SHBG: variants seen among roughly 807,000 people sequenced by gnomAD.
SHBG encodes the protein sex hormone binding globulin.
In SHBG, 37 loss-of-function variants were observed where a neutral mutation model predicts 41.9. The ratio of observed to expected loss-of-function variants is 0.88; its 90% CI spans 0.68 to 1.16. The LOEUF is 1.16. Among genes scored for constraint, SHBG ranks in the 50% most tolerant of loss-of-function variants. The probability of loss-of-function intolerance (pLI) is 0.00; values close to 1 mark genes in which losing one functional copy is unlikely to be tolerated. For missense variants in SHBG, 466 were observed against 499.9 expected, an observed-to-expected ratio of 0.93 and a Z score of 0.65; for synonymous variants, 217 against 205.8, an observed-to-expected ratio of 1.05 and a Z score of -0.47.
intron 6 of SHBG, 129 bp downstream of exon 6, chr17:7,632,144 A>C: frequency 2.9e-6 from 3 of 1,040,842 alleles, no homozygotes; most frequent in Non-Finnish European, 4.4e-6. Flanking sequence ...GGCTCCACAG[A>C]ATTGTTTTTC....
intron 7 of SHBG, 25 bp downstream of exon 7, chr17:7,632,984 C>A (rs1161754721): frequency 1.3e-6 from 2 of 1,594,312 alleles, no homozygotes; most frequent in Non-Finnish European, 1.7e-6. Flanking sequence ...TGTTCAAGTT[C>A]ATGAGCACAA....
chr17:7,630,741 A>G lies in SHBG; in HGVS notation c.265A>G (p.Thr89Ala). ...AGAGGGAGTGATTTTTTATGGGGAT[A>G]CCAACCCTAAGGATGACTGGTTTAT... ...DPEGVIFYGD[T>A]NPKDDWFMLG... is the part of the protein sequence containing the mutation. The change falls in exon 3 of 8, where the codon ACC becomes GCC. Residue 89 changes from threonine (T) to alanine (A), a missense_variant. Thr to Ala is a moderately conservative substitution (Grantham distance 58). Coordinates refer to ENST00000380450, the MANE Select transcript of SHBG (RefSeq NM_001040.5). This position sits in a 1 kb window ranked among gnomAD's most constrained non-coding sequence, Gnocchi z 4.6. 1 of 1,614,064 alleles carries G rather than the reference A, an allele frequency of 6.2e-7. No homozygotes were observed. The highest frequency in any genetic ancestry group is 8.5e-7 in the Non-Finnish European group (1 of 1,180,010).
chr17:7,614,100 TTAAGGTC>T (rs1236095110), exon 1 of SHBG: 1 of 513,650 alleles, frequency 1.9e-6, no homozygotes. Flanking sequence ...GAAGATGTGA[TTAAGGTC>T]TAAGGTATGT....
chr17:7,615,986 C>A (rs2071978085), intron 1 of SHBG, among the ~76,000 whole-genome samples: 1 of 151,630 alleles, frequency 6.6e-6, no homozygotes, highest in Non-Finnish European at 1.5e-5. Flanking sequence ...CTCAACAGGG[C>A]GAAACCCTGT....
chr17:7,631,427 T>C (rs2072409596), intron 4 of SHBG, 66 bp downstream of exon 4: 3 of 1,590,800 alleles, frequency 1.9e-6, no homozygotes, highest in Non-Finnish European at 1.7e-6. Context: ...TGGCTGGCCG[T>C]GGGAATCTAA....
chr17:7,629,375 C>CTAAAATAAAA (rs58676803), upstream of SHBG, among the ~76,000 whole-genome samples: 9,246 of 146,298 alleles, frequency 0.063, 354 homozygotes, highest in Non-Finnish European at 0.078. Context: ...AAGACTCTGT[C>CTAAAATAAAA]TAAAATAAAA....
chr17:7,620,887 T>G (rs1312226617), intron 1 of SHBG, among the ~76,000 whole-genome samples: 2 of 151,896 alleles, frequency 1.3e-5, no homozygotes, highest in Admixed American at 6.6e-5. Context: ...TGCCTCGGCC[T>G]CCCAGAGTGC....
intron 1 of SHBG, among the ~76,000 whole-genome samples, chr17:7,620,869 G>A (rs1000274522): frequency 2.0e-5 from 3 of 151,958 alleles, no homozygotes; most frequent in Admixed American, 6.6e-5. Flanking sequence ...GACCTCAGGT[G>A]AGCCACCTGC....
upstream of SHBG, chr17:7,627,276 G>A: frequency 6.8e-6 from 11 of 1,612,066 alleles, no homozygotes; most frequent in Non-Finnish European, 9.3e-6. This position sits in a 1 kb window ranked among gnomAD's most constrained non-coding sequence, Gnocchi z 4.8. Context: ...GGACGTGGGT[G>A]TATGCCCAGC....
In SHBG at chr17:7,632,017, T is replaced by TA. The variant is rs750069375; in HGVS notation, c.852+5dup. 3 of 1,612,576 alleles carry TA rather than the reference T, an allele frequency of 1.9e-6. No individual in the cohort carries two copies. In the African/African-American group the frequency reaches 4.0e-5, roughly 22 times the overall value. On this transcript the variant is annotated splice_region_variant and intron_variant, in intron 6 of 7. Transcript: ENST00000380450. ...CTCAGTCTCCACCTCCAAGATCAAG[T>TA]AAAGGGGGACAGTGGGGCATTGCCT...
rs1464753722 is a variant in SHBG at position 7,631,718 on chromosome 17, C to G, written c.685C>G (p.Pro229Ala). 6.2e-7 allele frequency: 1 copy of G among 1,614,172 alleles called. No homozygotes were observed. The highest frequency in any genetic ancestry group is 2.2e-5 in the East Asian group (1 of 44,886). ...VESNPGIFLPPGTQAEFNLRD... is the reference protein window; with the variant it reads ...VESNPGIFLPAGTQAEFNLRD... ...ATCAAATCCCGGGATATTTCTCCCT[C>G]CAGGGACTCAGGCAGAATTCAATCT... Residue 229 changes from proline (P) to alanine (A), a missense_variant, in exon 5 of 8, where the codon CCA becomes GCA. Transcript: ENST00000380450.
At position 7,633,361 on chromosome 17, in the gene SHBG, CT is replaced by C. The variant is rs770345489; in HGVS notation, c.*10del. 2.3e-5 allele frequency: 37 copies of C among 1,612,606 alleles called. No homozygotes were observed. The highest frequency in any genetic ancestry group is 2.9e-5 in the Non-Finnish European group (34 of 1,179,432). The stretch of plus-strand genomic sequence containing the variant: ...CTGACGCTTCCCATTAAAGCTCCAC[CT>C]AAGAACCCCCTTTGAAAGTTACTGA... On this transcript the variant is annotated 3_prime_UTR_variant, in exon 8 of 8. Coordinates refer to ENST00000380450, the MANE Select transcript of SHBG (RefSeq NM_001040.5).
At chr17:7,615,833 CAA>C (rs544422942) in intron 1 of SHBG, among the ~76,000 whole-genome samples, 31 of 72,950 alleles carry the variant, frequency 4.2e-4, no homozygotes, top group Non-Finnish European at 5.0e-4. Flanking sequence ...GACTCAGTCT[CAA>C]AAAAAAAAAA....
Position 7,630,643 on chromosome 17 carries a change from C to T in SHBG, c.204-37C>T, listed in dbSNP as rs1349979280. On this transcript the variant is annotated intron_variant, in intron 2 of 7. Coordinates refer to ENST00000380450, the MANE Select transcript of SHBG (RefSeq NM_001040.5). The surrounding 1 kb of genome is among the most constrained non-coding windows in gnomAD (Gnocchi z 4.6). ...AACCCACACTGGTTCTCAAAGGACA[C>T]ATGACATACACAATCTTTCCTTCTG... The T allele has an allele frequency of 5.0e-6, 8 of 1,590,746 alleles. No individual in the cohort carries two copies. The highest frequency in any genetic ancestry group is 1.7e-5 in the Admixed American group (1 of 59,544).
chr17:7,627,473 G>T, upstream of SHBG: 1 of 1,609,116 alleles, frequency 6.2e-7, no homozygotes, highest in Non-Finnish European at 8.5e-7. This position sits in a 1 kb window ranked among gnomAD's most constrained non-coding sequence, Gnocchi z 4.8. Flanking sequence ...TCCCCGAGCA[G>T]GTTCCCAAGG....
chr17:7,627,460 T>A, upstream of SHBG: 1 of 1,612,172 alleles, frequency 6.2e-7, no homozygotes, highest in Non-Finnish European at 8.5e-7. The surrounding 1 kb of genome is among the most constrained non-coding windows in gnomAD (Gnocchi z 4.8). Flanking sequence ...AGGGCCCCGC[T>A]GCTCCCCGAG....
upstream of SHBG, among the ~76,000 whole-genome samples, chr17:7,629,157 C>T (rs550511702): frequency 1.3e-5 from 2 of 152,026 alleles, no homozygotes; most frequent in Admixed American, 1.3e-4. Flanking sequence ...CGGATCATTT[C>T]AGGTCAGAGG....
upstream of SHBG, among the ~76,000 whole-genome samples, chr17:7,625,826 T>C (rs897743711): frequency 7.5e-6 from 1 of 132,664 alleles, no homozygotes; most frequent in Non-Finnish European, 1.6e-5. Context: ...GGGAGGCGGA[T>C]GTTGCAGTGA....
chr17:7,623,740 G>A (rs755646073), upstream of SHBG, among the ~76,000 whole-genome samples: 2 of 151,948 alleles, frequency 1.3e-5, no homozygotes, highest in African/African-American at 2.4e-5. Context: ...GATTATAGGC[G>A]TGAGCCACTG....
Sources: allele counts gnomAD v4.1 joint callset (sites outside exome capture counted in the v4.1 genomes callset), GRCh38; gene constraint gnomAD v4.1.1; non-coding constraint Gnocchi (gnomAD v3.1); transcripts MANE v1.5; gene names NCBI Gene and HGNC (gene_info 2026-07-23, HGNC 2026-07-21).